RNPEP: variants seen among roughly 807,000 people sequenced by gnomAD.
The protein encoded by RNPEP is arginyl aminopeptidase.
Under a neutral mutation model 70.1 loss-of-function variants are expected in RNPEP, and 57 were observed. The ratio of observed to expected loss-of-function variants is 0.81; its 90% confidence interval spans 0.66 to 1.01. The LOEUF (loss-of-function observed/expected upper bound fraction) is 1.01, where lower values mean the gene tolerates loss of function less well. Ranked by LOEUF, RNPEP falls within the 50% of genes least tolerant of loss-of-function variation. The pLI is 0.00. For synonymous variants in RNPEP, 335 were observed against 357.4 expected, an observed-to-expected ratio of 0.94 and a Z score of 0.71; for missense variants, 787 against 852.4, an observed-to-expected ratio of 0.92 and a Z score of 0.96.
chr1:201,989,377 T>C lies in RNPEP; in HGVS notation c.589-6T>C. The stretch of plus-strand genomic sequence containing the variant: ...GTAAAATCTCCTAAGCTTTCTCTGT[T>C]GTCAGGTCCCAGATGGCTTCACAGC... On this transcript the variant is annotated splice_polypyrimidine_tract_variant and splice_region_variant and intron_variant, in intron 2 of 10. Transcript: ENST00000295640. 1.9e-6 allele frequency: 3 copies of C among 1,613,274 alleles called. No individual in the cohort carries two copies. Among genetic ancestry groups the C allele is most frequent in the Non-Finnish European group, 2.5e-6 (3 of 1,179,796 alleles).
intron 1 of RNPEP, chr1:201,983,648 C>T: frequency 8.4e-7 from 1 of 1,186,942 alleles, no homozygotes; most frequent in Non-Finnish European, 1.1e-6. Flanking sequence ...TTTGTTTCCT[C>T]CTGTGAAGTC....
At chr1:201,983,192 C>G in intron 1 of RNPEP, 79 bp downstream of exon 1, 1 of 1,415,218 alleles carries the variant, frequency 7.1e-7, no homozygotes, top group Non-Finnish European at 9.1e-7. Context: ...TCACCTACCC[C>G]ACCCGGGAGG....
chr1:201,996,971 G>GGC (rs1276786641), intron 4 of RNPEP, among the ~76,000 whole-genome samples: 1 of 152,090 alleles, frequency 6.6e-6, no homozygotes, highest in East Asian at 1.9e-4. Flanking sequence ...CTCCAGGTTG[G>GGC]TCTTTATGAC....
chr1:202,001,853 G>GA, intron 8 of RNPEP, 86 bp downstream of exon 8: 1 of 924,606 alleles, frequency 1.1e-6, no homozygotes, highest in South Asian at 1.4e-5. Flanking sequence ...TGGTGGATGG[G>GA]AAAACACTGG....
At chr1:201,997,614 T>C (rs1280064933) in intron 5 of RNPEP, 60 bp downstream of exon 5, 1 of 1,300,486 alleles carries the variant, frequency 7.7e-7, no homozygotes, top group Non-Finnish European at 1.1e-6. Flanking sequence ...GTGGGGCCAG[T>C]GTGATCTCCT....
At chr1:202,002,544 C>A (rs141344753) in intron 8 of RNPEP, among the ~76,000 whole-genome samples, 123 of 152,298 alleles carry the variant, frequency 8.1e-4, no homozygotes, top group African/African-American at 2.7e-3. Flanking sequence ...ATTAGACATA[C>A]CCCCACTTCT....
intron 5 of RNPEP, among the ~76,000 whole-genome samples, chr1:201,998,793 G>A (rs139850453): frequency 2.6e-3 from 394 of 152,248 alleles, no homozygotes; most frequent in African/African-American, 9.1e-3. Flanking sequence ...AGAGCTGGCT[G>A]GTTCCAAAAC....
Position 202,001,378 on chromosome 1 carries a change from G to C in RNPEP, c.1207G>C (p.Val403Leu). Residue 403 changes from valine to leucine, a missense_variant and splice_region_variant, in exon 7 of 11, where the codon GTT (valine) becomes CTT (leucine). Transcript: ENST00000295640. The part of the protein sequence containing the change: ...NKLRVKIEPG[V>L]DPDDTYNETP... ...TTGTCTGCTTTCTCCTCTGCCAGGC[G>C]TTGACCCGGACGACACCTATAATGA... 1 of 1,611,664 alleles carries C rather than the reference G, an allele frequency of 6.2e-7. No individual in the cohort carries two copies. The highest frequency in any genetic ancestry group is 8.5e-7 in the Non-Finnish European group (1 of 1,177,786).
At chr1:202,002,312 C>T (rs574321679) in intron 8 of RNPEP, among the ~76,000 whole-genome samples, 65 of 152,188 alleles carry the variant, frequency 4.3e-4, no homozygotes, top group Non-Finnish European at 4.4e-4. Context: ...TACAGGCACG[C>T]GCCACCACGC....
chr1:201,986,540 T>TTTTC (rs1683138148), intron 1 of RNPEP, among the ~76,000 whole-genome samples: 2 of 2,162 alleles, frequency 9.3e-4, no homozygotes, highest in Non-Finnish European at 1.9e-3. Context: ...TTCTTTCTTT[T>TTTTC]TTTTTTTTTT....
intron 3 of RNPEP, among the ~76,000 whole-genome samples, chr1:201,990,176 T>G: frequency 6.6e-6 from 1 of 152,190 alleles, no homozygotes; most frequent in African/African-American, 2.4e-5. Context: ...TATCTTTAAG[T>G]TCTAAATGCC....
chr1:201,986,621 A>G (rs1158992201), intron 1 of RNPEP, among the ~76,000 whole-genome samples: 8 of 144,384 alleles, frequency 5.5e-5, no homozygotes, highest in African/African-American at 1.8e-4. Flanking sequence ...GCTCACTGCA[A>G]CCTCCGCCTC....
chr1:202,005,034 G>C (rs972229497), intron 10 of RNPEP, among the ~76,000 whole-genome samples: 1 of 152,208 alleles, frequency 6.6e-6, no homozygotes, highest in Admixed American at 6.5e-5. Flanking sequence ...ATAAAGTCAG[G>C]GCTGCCTGCC....
rs1682985668 is a variant in RNPEP, at chr1:201,982,845, G to A, written c.179G>A (p.Ser60Asn). The change falls in exon 1 of 11, where the codon AGC becomes AAC. Residue 60 changes from serine (S) to asparagine (N), a missense_variant. Physicochemically the swap from Ser to Asn is conservative, Grantham distance 46. Coordinates refer to ENST00000295640, the MANE Select transcript of RNPEP (RefSeq NM_020216.4). The part of the protein sequence containing the change: ...PGPGAGSRGL[S>N]GTAVLDLRCL... ...CCCGGCGCAGGGAGCCGGGGGCTGA[G>A]CGGCACCGCGGTCCTGGACCTGCGC... 2 of 1,350,548 alleles carry A rather than the reference G, an allele frequency of 1.5e-6. No homozygotes were observed. Among genetic ancestry groups the A allele is most frequent in the African/African-American group, 1.5e-5 (1 of 64,826 alleles). The allele number at this position is 1,350,548 out of a possible 1,614,324, so 83.7% of individuals were successfully genotyped here. A position where few individuals can be genotyped will look rare whatever the true frequency, so the allele number is the denominator to read the frequency against.
intron 1 of RNPEP, among the ~76,000 whole-genome samples, chr1:201,987,194 C>G (rs995265646): frequency 2.0e-5 from 3 of 152,084 alleles, no homozygotes; most frequent in Non-Finnish European, 4.4e-5. Context: ...TGCTCGTCTC[C>G]TTGTGAATGT....
intron 1 of RNPEP, among the ~76,000 whole-genome samples, chr1:201,988,494 A>G (rs947525876): frequency 6.6e-6 from 1 of 150,660 alleles, no homozygotes; most frequent in African/African-American, 2.4e-5. Context: ...CATATTAATC[A>G]CTGACTCCCA....
At chr1:201,986,163 C>G (rs143241027) in intron 1 of RNPEP, among the ~76,000 whole-genome samples, 74 of 152,346 alleles carry the variant, frequency 4.9e-4, no homozygotes, top group African/African-American at 1.6e-3. Context: ...CGCTTGGGCT[C>G]AAACAAACAA....
chr1:202,003,875 G>A (rs1683939478), intron 9 of RNPEP, among the ~76,000 whole-genome samples: 1 of 152,184 alleles, frequency 6.6e-6, no homozygotes, highest in East Asian at 1.9e-4. Flanking sequence ...GGTACAAACA[G>A]TTCGCACAGA....
chr1:201,989,184 C>G (rs35164608), intron 2 of RNPEP, 140 bp downstream of exon 2: 148,766 of 1,271,080 alleles, frequency 0.12, 10,341 homozygotes, highest in Non-Finnish European at 0.14. Context: ...TTAAATTCTT[C>G]CACCTACTGA....
Sources: gnomAD v4.1 joint callset for allele counts (sites outside exome capture counted in the v4.1 genomes callset) on GRCh38, gnomAD v4.1.1 for gene constraint, MANE v1.5 for transcripts, NCBI Gene and HGNC (gene_info 2026-07-23, HGNC 2026-07-21) for gene names.